Variants in METTL9 observed in about 807,000 individuals in gnomAD.
METTL9 encodes the protein methyltransferase 9, His-X-His N1(pi)-histidine.
Under a neutral mutation model 36.0 loss-of-function variants are expected in METTL9, and 10 were observed. That is an observed-to-expected ratio of 0.28 (90% CI 0.17 to 0.47). METTL9 has a LOEUF of 0.47. Ranked by LOEUF, METTL9 falls within the 20% of genes least tolerant of loss-of-function variation. The pLI, the probability that METTL9 is intolerant of heterozygous loss-of-function variation, is 0.99. For missense variants in METTL9, 246 were observed against 383.5 expected (o/e 0.64, Z 3.00); for synonymous variants, 175 against 149.7 (o/e 1.17, Z -1.23).
chr16:21,614,204 G>T (rs1965499755), intron 2 of METTL9, among the ~76,000 whole-genome samples: 1 of 152,122 alleles, frequency 6.6e-6, no homozygotes, highest in African/African-American at 2.4e-5. Flanking sequence ...CCTTAAATTG[G>T]TTATATTGAA....
At chr16:21,609,644 G>A (rs575835272) in intron 1 of METTL9, among the ~76,000 whole-genome samples, 1 of 152,204 alleles carries the variant, frequency 6.6e-6, no homozygotes, top group East Asian at 1.9e-4. Flanking sequence ...AGACAGCCAC[G>A]GGAAAGGGGC....
chr16:21,634,435 A>G (rs1203249574), intron 4 of METTL9, among the ~76,000 whole-genome samples: 1 of 152,174 alleles, frequency 6.6e-6, no homozygotes, highest in South Asian at 2.1e-4. Flanking sequence ...CTTATTTCTC[A>G]TTGGACAATC....
chr16:21,636,467 T>TC (rs1567340138), intron 4 of METTL9, among the ~76,000 whole-genome samples: 1 of 152,124 alleles, frequency 6.6e-6, no homozygotes, highest in Non-Finnish European at 1.5e-5. Flanking sequence ...CCTCAGAGAC[T>TC]CCAAGAGGTG....
chr16:21,641,466 T>C (rs1966266924), intron 4 of METTL9: 1 of 841,950 alleles, frequency 1.2e-6, no homozygotes, highest in South Asian at 1.6e-5. Context: ...TGATGATATA[T>C]GTTCATTAAC....
At chr16:21,611,720 T>A (rs900354125) in intron 1 of METTL9, among the ~76,000 whole-genome samples, 1 of 152,020 alleles carries the variant, frequency 6.6e-6, no homozygotes, top group Non-Finnish European at 1.5e-5. Context: ...GAATGGAGGC[T>A]GAGAGATTTA....
At chr16:21,624,903 T>G in intron 3 of METTL9, 28 bp from the exon 4 acceptor site, 1 of 1,601,922 alleles carries the variant, frequency 6.2e-7, no homozygotes, top group East Asian at 2.2e-5. Flanking sequence ...GGACTTTATG[T>G]TAATACAGTT....
At chr16:21,613,693 T>A (rs898525745) in intron 2 of METTL9, among the ~76,000 whole-genome samples, 1 of 152,208 alleles carries the variant, frequency 6.6e-6, no homozygotes, top group Non-Finnish European at 1.5e-5. Flanking sequence ...GATGATGGCT[T>A]ATTTTGAGTG....
chr16:21,614,855 T>C (rs936879173), intron 2 of METTL9, among the ~76,000 whole-genome samples: 1 of 152,218 alleles, frequency 6.6e-6, no homozygotes, highest in Admixed American at 6.5e-5. Context: ...AGGATGGTTA[T>C]TAAACACTAA....
In METTL9 at chr16:21,605,257, C is replaced by CTTTTTTTTTTTTTTTTTTTTTTTTTT. The variant is rs3046231; in HGVS notation, c.165+5373_165+5398dup. Among the ~76,000 whole-genome samples the CTTTTTTTTTTTTTTTTTTTTTTTTTT allele has an allele frequency of 7.8e-5, 4 of 51,236 alleles. 1 individual carries two copies. Among genetic ancestry groups the CTTTTTTTTTTTTTTTTTTTTTTTTTT allele is most frequent in the Middle Eastern group, 0.019 (1 of 54 alleles). The allele number at this position is 51,236 out of a possible 152,430, so 33.6% of individuals were successfully genotyped here. On this transcript the variant is annotated intron_variant, in intron 1 of 4. Coordinates refer to ENST00000358154, the MANE Select transcript of METTL9 (RefSeq NM_016025.5). ...GGGGTGGTAAAAATAGGCTTGCCTT[C>CTTTTTTTTTTTTTTTTTTTTTTTTTT]TTTTTTTTTTTTTTTTTTTTTTTTT...
chr16:21,624,024 C>T (rs1451868709), intron 3 of METTL9, among the ~76,000 whole-genome samples: 1 of 152,178 alleles, frequency 6.6e-6, no homozygotes, highest in Non-Finnish European at 1.5e-5. Context: ...CTGCCTTGGC[C>T]TCCCAAAGTG....
chr16:21,617,820 T>C (rs937870385), intron 2 of METTL9, 45 bp from the exon 3 acceptor site: 5 of 1,535,604 alleles, frequency 3.3e-6, no homozygotes, highest in African/African-American at 2.7e-5. Flanking sequence ...TGAGGGGTGC[T>C]TAATTTGCAT....
chr16:21,601,262 T>C (rs978663334), intron 1 of METTL9, among the ~76,000 whole-genome samples: 2 of 152,174 alleles, frequency 1.3e-5, no homozygotes, highest in Non-Finnish European at 1.5e-5. Context: ...TTCATTCTTA[T>C]AGAGACAACT....
chr16:21,627,389 A>T, intron 4 of METTL9: 1 of 985,042 alleles, frequency 1.0e-6, no homozygotes, highest in Non-Finnish European at 1.2e-6. Context: ...CAGTTTTGCT[A>T]TTTGGAAAAA....
intron 4 of METTL9, among the ~76,000 whole-genome samples, chr16:21,631,023 A>T (rs1359230549): frequency 6.6e-6 from 1 of 152,228 alleles, no homozygotes; most frequent in African/African-American, 2.4e-5. Flanking sequence ...GAGGAGGTCT[A>T]CGCCTCAGGG....
At chr16:21,651,234 A>G (rs146862750) in intron 4 of METTL9, among the ~76,000 whole-genome samples, 2 of 152,264 alleles carry the variant, frequency 1.3e-5, no homozygotes, top group Non-Finnish European at 2.9e-5. Context: ...AACAAACAAA[A>G]AAGCCATATT....
At chr16:21,636,935 T>C (rs1394901849) in intron 4 of METTL9, among the ~76,000 whole-genome samples, 1 of 152,174 alleles carries the variant, frequency 6.6e-6, no homozygotes, top group Non-Finnish European at 1.5e-5. Flanking sequence ...GATAGTCCCA[T>C]CTGGGTCGCC....
intron 3 of METTL9, among the ~76,000 whole-genome samples, chr16:21,622,151 T>TTTTTTTTTTTTTTTG (rs1190618422): frequency 8.6e-6 from 1 of 115,610 alleles, no homozygotes; most frequent in African/African-American, 3.7e-5. Flanking sequence ...CTTTTTTTTT[T>TTTTTTTTTTTTTTTG]TTTTTTTTTT....
intron 3 of METTL9, among the ~76,000 whole-genome samples, chr16:21,622,594 G>A (rs976885431): frequency 3.3e-5 from 5 of 152,174 alleles, no homozygotes; most frequent in Non-Finnish European, 7.3e-5. Flanking sequence ...GGATTCCTGG[G>A]CTAATACGCA....
At chr16:21,634,477 T>G (rs1463793960) in intron 4 of METTL9, among the ~76,000 whole-genome samples, 1 of 152,166 alleles carries the variant, frequency 6.6e-6, no homozygotes, top group African/African-American at 2.4e-5. Context: ...ACCACATTGA[T>G]AACAAGCCCT....
Sources: allele counts gnomAD v4.1 joint callset (sites outside exome capture counted in the v4.1 genomes callset), GRCh38; gene constraint gnomAD v4.1.1; transcripts MANE v1.5; gene names NCBI Gene and HGNC (gene_info 2026-07-23, HGNC 2026-07-21).